Variants in AKAP19 observed in about 807,000 individuals in gnomAD.
AKAP19 encodes A-kinase anchoring protein 19.
At chr2:190,055,926 T>C in the AKAP19 span, 3,681 of 152,600 alleles carry the variant, frequency 0.024, 155 homozygotes, top group East Asian at 0.17. Flanking sequence ...TTTCAGATAA[T>C]AGAGTCAATT....
chr2:189,951,392 G>C, the AKAP19 span, among the ~76,000 whole-genome samples: 2 of 151,914 alleles, frequency 1.3e-5, no homozygotes, highest in Non-Finnish European at 2.9e-5. Context: ...GGTAGAGACG[G>C]GGTTTCACCA....
the AKAP19 span, among the ~76,000 whole-genome samples, chr2:189,995,781 T>A: frequency 6.6e-6 from 1 of 152,280 alleles, no homozygotes. Context: ...TTTCAAGATA[T>A]AGAACTCCTT....
chr2:190,189,310 G>A, the AKAP19 span, among the ~76,000 whole-genome samples: 11 of 152,312 alleles, frequency 7.2e-5, no homozygotes, highest in African/African-American at 2.2e-4. Context: ...ATAAAGTACC[G>A]TTGGAGCACT....
the AKAP19 span, among the ~76,000 whole-genome samples, chr2:190,194,475 TATACACACACAC>T: frequency 0.024 from 3,002 of 126,894 alleles, 108 homozygotes; most frequent in African/African-American, 0.095. Flanking sequence ...GTATCCTGTG[TATACACACACAC>T]ACACACACAC....
chr2:189,958,944 T>C, the AKAP19 span, among the ~76,000 whole-genome samples: 1 of 152,072 alleles, frequency 6.6e-6, no homozygotes, highest in Non-Finnish European at 1.5e-5. Context: ...ACAGTTTTTC[T>C]TTAGTACCCT....
the AKAP19 span, among the ~76,000 whole-genome samples, chr2:190,110,899 G>A: frequency 1.3e-5 from 2 of 152,162 alleles, no homozygotes; most frequent in Non-Finnish European, 1.5e-5. Flanking sequence ...AATAATGTAG[G>A]GCGCTGTCAT....
the AKAP19 span, among the ~76,000 whole-genome samples, chr2:189,974,343 A>T: frequency 6.6e-6 from 1 of 152,070 alleles, no homozygotes; most frequent in African/African-American, 2.4e-5. Flanking sequence ...GATCTGAGAG[A>T]CAGTTTGTTA....
the AKAP19 span, among the ~76,000 whole-genome samples, chr2:189,971,619 ATT>A: frequency 6.6e-5 from 10 of 152,066 alleles, no homozygotes; most frequent in African/African-American, 2.4e-4. Context: ...AAGTGTTCCT[ATT>A]TCTCCACATC....
chr2:189,905,827 CT>C, the AKAP19 span, among the ~76,000 whole-genome samples: 1 of 151,950 alleles, frequency 6.6e-6, no homozygotes, highest in Non-Finnish European at 1.5e-5. Flanking sequence ...TTAGGGAAGT[CT>C]TTAGGCAAGA....
the AKAP19 span, among the ~76,000 whole-genome samples, chr2:190,140,869 G>T: frequency 6.6e-6 from 1 of 152,082 alleles, no homozygotes; most frequent in Non-Finnish European, 1.5e-5. Context: ...CTATCACATT[G>T]TCAGGCTGCA....
At chr2:189,963,199 CTT>C in the AKAP19 span, among the ~76,000 whole-genome samples, 3 of 136,858 alleles carry the variant, frequency 2.2e-5, no homozygotes, top group South Asian at 6.8e-4. Context: ...CTTCACTTCT[CTT>C]TTTTTTTTTT....
the AKAP19 span, among the ~76,000 whole-genome samples, chr2:190,044,898 C>T: frequency 2.6e-5 from 4 of 152,146 alleles, no homozygotes; most frequent in Non-Finnish European, 4.4e-5. Context: ...CACTGGAGAC[C>T]CTGGTTGGTA....
the AKAP19 span, among the ~76,000 whole-genome samples, chr2:190,143,781 A>C: frequency 6.6e-6 from 1 of 151,046 alleles, no homozygotes; most frequent in South Asian, 2.1e-4. Flanking sequence ...CAAATGTCCA[A>C]CAATGATAGA....
At chr2:189,910,784 A>G in the AKAP19 span, among the ~76,000 whole-genome samples, 5 of 152,080 alleles carry the variant, frequency 3.3e-5, no homozygotes, top group African/African-American at 1.2e-4. Flanking sequence ...ACAAGGTGAT[A>G]TGTAGCATAT....
chr2:190,160,376 T>C, the AKAP19 span, among the ~76,000 whole-genome samples: 5 of 152,166 alleles, frequency 3.3e-5, no homozygotes, highest in Non-Finnish European at 7.4e-5. Context: ...TATTCGTCCA[T>C]GTTTCTCTTT....
At chr2:190,153,360 A>T in the AKAP19 span, among the ~76,000 whole-genome samples, 4 of 152,196 alleles carry the variant, frequency 2.6e-5, no homozygotes, top group South Asian at 4.1e-4. Context: ...AAAATATAGA[A>T]ATATATTTTT....
the AKAP19 span, among the ~76,000 whole-genome samples, chr2:190,020,269 A>C: frequency 6.6e-6 from 1 of 152,240 alleles, no homozygotes; most frequent in African/African-American, 2.4e-5. Context: ...AAATATTTAG[A>C]AAAGAGCTTA....
chr2:190,108,285 A>G, the AKAP19 span, among the ~76,000 whole-genome samples: 3 of 152,082 alleles, frequency 2.0e-5, no homozygotes, highest in Admixed American at 2.0e-4. Flanking sequence ...CCTCTTGAGT[A>G]GCTGGGATTA....
the AKAP19 span, among the ~76,000 whole-genome samples, chr2:190,138,512 T>G: frequency 6.6e-6 from 1 of 152,320 alleles, no homozygotes; most frequent in South Asian, 2.1e-4. Context: ...ACACTTGCAT[T>G]CAGTCAACAA....
Sources: allele counts gnomAD v4.1 joint callset (sites outside exome capture counted in the v4.1 genomes callset), GRCh38; gene constraint gnomAD v4.1.1; transcripts MANE v1.5; gene names NCBI Gene and HGNC (gene_info 2026-07-23, HGNC 2026-07-21).